The following ZP3 variants were observed in gnomAD, a reference collection of about 807,000 sequenced individuals.
ZP3 encodes the protein zona pellucida sperm-binding protein 3.
Under a neutral mutation model 35.6 loss-of-function variants are expected in ZP3, and 21 were observed. The ratio of observed to expected loss-of-function variants is 0.59; its 90% confidence interval spans 0.42 to 0.85. ZP3 has a LOEUF of 0.85. Ranked by LOEUF, ZP3 falls within the 40% of genes least tolerant of loss-of-function variation. The pLI, the probability that ZP3 is intolerant of heterozygous loss-of-function variation, is 0.00. For synonymous variants in ZP3, 207 were observed against 214.5 expected (o/e 0.96, Z 0.31); for missense variants, 437 against 536.5 (o/e 0.81, Z 1.83).
At chr7:76,404,407 G>A (rs2115800782) in intron 1 of ZP3, 1 of 1,614,080 alleles carries the variant, frequency 6.2e-7, no homozygotes, top group East Asian at 2.2e-5. Flanking sequence ...CATCCAGCTG[G>A]GGACCAATTA....
rs1343502309 is a variant in ZP3, at chr7:76,440,618, C to T, written c.1060+7C>T. Reference sequence around the variant, plus strand: ...TCCCGTAACCGCAGGCATGGTATGTCACAGAATGGCCAAGAGGCTGTTCAT... The same window carrying T: ...TCCCGTAACCGCAGGCATGGTATGTTACAGAATGGCCAAGAGGCTGTTCAT... On this transcript the variant is annotated splice_region_variant and intron_variant, in intron 7 of 7. Coordinates refer to ENST00000394857, the MANE Select transcript of ZP3 (RefSeq NM_001110354.2). 1.2e-6 allele frequency: 2 copies of T among 1,607,600 alleles called. No homozygotes were observed. Among genetic ancestry groups the T allele is most frequent in the Admixed American group, 1.7e-5 (1 of 59,530 alleles).
intron 1 of ZP3, among the ~76,000 whole-genome samples, chr7:76,419,587 A>G (rs1445932644): frequency 6.6e-6 from 1 of 151,648 alleles, no homozygotes; most frequent in Non-Finnish European, 1.5e-5. Context: ...TGTGTGTCTC[A>G]TGATGTTCTT....
chr7:76,437,596 TCCA>T (rs1806060552), intron 5 of ZP3, among the ~76,000 whole-genome samples: 2 of 150,164 alleles, frequency 1.3e-5, no homozygotes, highest in African/African-American at 4.9e-5. Context: ...AAGCAATTCT[TCCA>T]TTCCAGCCTC....
At chr7:76,404,616 A>T in intron 1 of ZP3, 1 of 823,102 alleles carries the variant, frequency 1.2e-6, no homozygotes, top group Non-Finnish European at 1.9e-6. Context: ...ACATAGTGAG[A>T]CCCCCATCTC....
intron 1 of ZP3, among the ~76,000 whole-genome samples, chr7:76,411,126 G>A (rs1409177079): frequency 6.6e-6 from 1 of 151,944 alleles, no homozygotes; most frequent in Non-Finnish European, 1.5e-5. Flanking sequence ...GCCTGGGGAA[G>A]CCCCTTCCCT....
intron 2 of ZP3, among the ~76,000 whole-genome samples, chr7:76,430,351 G>C (rs1805791405): frequency 6.6e-6 from 1 of 152,206 alleles, no homozygotes. Context: ...GAGAAACTAT[G>C]GCTCCCAAGG....
At chr7:76,403,100 T>G (rs1305156127) in intron 1 of ZP3, among the ~76,000 whole-genome samples, 2 of 152,082 alleles carry the variant, frequency 1.3e-5, no homozygotes, top group East Asian at 3.9e-4. Context: ...AAATCAAGGG[T>G]AGAGCTGAGA....
intron 1 of ZP3, 65 bp from the exon 2 acceptor site, chr7:76,429,448 CAG>C: frequency 6.7e-7 from 1 of 1,498,598 alleles, no homozygotes. Context: ...CCTGAGCACT[CAG>C]GTATGGCTTG....
At chr7:76,412,080 C>A (rs185264639) in intron 1 of ZP3, among the ~76,000 whole-genome samples, 2 of 150,346 alleles carry the variant, frequency 1.3e-5, no homozygotes, top group Non-Finnish European at 3.0e-5. Flanking sequence ...CCCAGCTACA[C>A]GAGAGGCTGA....
intron 5 of ZP3, among the ~76,000 whole-genome samples, chr7:76,436,197 A>G (rs574780296): frequency 8.0e-3 from 1,213 of 150,708 alleles, no homozygotes; most frequent in African/African-American, 0.027. Flanking sequence ...GATTGTAGGC[A>G]TACGCCACTA....
rs140597275 is a variant in ZP3 at position 76,413,333 on chromosome 7, C to A, written c.-66-11719C>A. Among the ~76,000 whole-genome samples, 98 of 152,004 alleles carry A rather than the reference C, an allele frequency of 6.4e-4. 1 individual carries two copies. The highest frequency in any genetic ancestry group is 2.3e-3 in the African/African-American group (97 of 41,470). The stretch of plus-strand genomic sequence containing the variant: ...GAAATGCTGTGATCACAACTTACTG[C>A]AGCCTCAACCTCTTGGGCTCAAGCG... On this transcript the variant is annotated intron_variant, in intron 1 of 8. Coordinates refer to the ZP3 transcript ENST00000336517.
intron 5 of ZP3, among the ~76,000 whole-genome samples, chr7:76,437,059 C>G (rs1262869998): frequency 6.6e-6 from 1 of 151,686 alleles, no homozygotes; most frequent in Non-Finnish European, 1.5e-5. Flanking sequence ...TGGTTCACAT[C>G]TGTAATCCCA....
chr7:76,431,441 A>G (rs747200657), intron 2 of ZP3, among the ~76,000 whole-genome samples: 1 of 152,160 alleles, frequency 6.6e-6, no homozygotes, highest in Non-Finnish European at 1.5e-5. Context: ...GGTTATCAAT[A>G]GATGCATCCA....
intron 5 of ZP3, 183 bp from the exon 6 acceptor site, chr7:76,440,067 G>A (rs1234809295): frequency 2.0e-5 from 21 of 1,057,368 alleles, no homozygotes; most frequent in African/African-American, 4.8e-5. Context: ...GGTTGGTCTC[G>A]AACTCCTGAC....
intron 1 of ZP3, chr7:76,400,142 C>A (rs943824305): frequency 4.2e-6 from 4 of 951,106 alleles, no homozygotes; most frequent in Non-Finnish European, 5.6e-6. Context: ...GGCTGGGGTT[C>A]TTCCCTGGCA....
chr7:76,436,058 T>C (rs1200924421), intron 5 of ZP3, among the ~76,000 whole-genome samples: 56 of 90,798 alleles, frequency 6.2e-4, no homozygotes, highest in African/African-American at 3.2e-3. Context: ...TTTTTTTTTT[T>C]TTTTTTTTTT....
chr7:76,417,383 C>T (rs1805403155), intron 1 of ZP3, among the ~76,000 whole-genome samples: 1 of 151,492 alleles, frequency 6.6e-6, no homozygotes, highest in African/African-American at 2.4e-5. Context: ...TTCATTGCAT[C>T]CCTTACTGTG....
chr7:76,418,674 G>A (rs1302918225), intron 1 of ZP3, among the ~76,000 whole-genome samples: 1 of 151,538 alleles, frequency 6.6e-6, no homozygotes, highest in African/African-American at 2.4e-5. Context: ...AGCTAACACG[G>A]TAAAACTCCA....
exon 1 of ZP3, chr7:76,397,523 C>A: frequency 6.4e-7 from 1 of 1,553,698 alleles, no homozygotes; most frequent in Admixed American, 1.9e-5. Context: ...CGCACCTGCG[C>A]AGAGCGCGCC....
Sources: gnomAD v4.1 joint callset for allele counts (sites outside exome capture counted in the v4.1 genomes callset) on GRCh38, gnomAD v4.1.1 for gene constraint, MANE v1.5 for transcripts, NCBI Gene and HGNC (gene_info 2026-07-23, HGNC 2026-07-21) for gene names.